The following PCDH9 variants were observed in gnomAD, a reference collection of about 807,000 sequenced individuals.
The protein encoded by PCDH9 is protocadherin 9.
A neutral mutation model predicts 70.6 loss-of-function variants in PCDH9; 24 were observed. The ratio of observed to expected loss-of-function variants is 0.34; its 90% CI spans 0.25 to 0.48. PCDH9 has a LOEUF of 0.48. PCDH9 is among the 20% of genes least tolerant of loss of function. PCDH9 has a pLI of 0.99. For synonymous variants in PCDH9, 562 were observed against 558.5 expected (o/e 1.01, Z -0.09); for missense variants, 1,281 against 1,503.6 (o/e 0.85, Z 2.45).
chr13:67,167,402 A>G (rs1230016116), intron 2 of PCDH9, among the ~76,000 whole-genome samples: 1 of 152,178 alleles, frequency 6.6e-6, no homozygotes, highest in Non-Finnish European at 1.5e-5. Flanking sequence ...ATCCATAAGG[A>G]TACTATCTGA....
At chr13:66,305,392 A>G (rs1955448131) in intron 4 of PCDH9, among the ~76,000 whole-genome samples, 2 of 152,026 alleles carry the variant, frequency 1.3e-5, no homozygotes, top group South Asian at 2.1e-4. Context: ...AATCCCAGAA[A>G]AAAACTCATA....
At chr13:67,141,721 G>A (rs1426493357) in intron 2 of PCDH9, among the ~76,000 whole-genome samples, 1 of 150,896 alleles carries the variant, frequency 6.6e-6, no homozygotes, top group Non-Finnish European at 1.5e-5. Context: ...TTACAAGTGT[G>A]AGTTCCTGCG....
At position 66,573,760 on chromosome 13, in the gene PCDH9, T is replaced by TGTTG. The variant is rs1261381617; in HGVS notation, c.3340+57449_3340+57450insCAAC. Among the ~76,000 whole-genome samples the TGTTG allele has an allele frequency of 2.6e-5, 4 of 152,214 alleles. No homozygotes were observed. The East Asian group carries it at 5.8e-4, about 22-fold the overall frequency. ...TTTTTTGTTTGTTTGTTTGTTTGTT[T>TGTTG]GTTTGTTTTTTTGGTGCCAAATCAA... On this transcript the variant is annotated intron_variant, in intron 4 of 4. Coordinates refer to ENST00000377865, the MANE Select transcript of PCDH9 (RefSeq NM_203487.3).
intron 2 of PCDH9, among the ~76,000 whole-genome samples, chr13:67,096,871 A>T: frequency 6.6e-6 from 1 of 152,092 alleles, no homozygotes; most frequent in Non-Finnish European, 1.5e-5. Context: ...TATTAAAAAA[A>T]CCCTATGTAA....
intron 4 of PCDH9, among the ~76,000 whole-genome samples, chr13:66,551,391 G>T (rs1034025883): frequency 2.0e-5 from 3 of 152,122 alleles, no homozygotes; most frequent in Admixed American, 6.5e-5. Context: ...TCCTTCTGCT[G>T]TTCCTCAGCT....
At chr13:66,518,662 G>A (rs1289939396) in intron 4 of PCDH9, among the ~76,000 whole-genome samples, 2 of 152,068 alleles carry the variant, frequency 1.3e-5, no homozygotes, top group African/African-American at 4.8e-5. Flanking sequence ...GAAAACGCCC[G>A]AGGTTTAGAA....
intron 2 of PCDH9, among the ~76,000 whole-genome samples, chr13:67,157,010 A>T (rs2087830911): frequency 6.6e-6 from 1 of 152,134 alleles, no homozygotes; most frequent in Non-Finnish European, 1.5e-5. Flanking sequence ...GTTCAACATC[A>T]TCTGTTAAAT....
intron 3 of PCDH9, among the ~76,000 whole-genome samples, chr13:66,726,067 G>A (rs1178669073): frequency 1.3e-5 from 2 of 152,074 alleles, no homozygotes; most frequent in Non-Finnish European, 2.9e-5. Context: ...TAGGATACTT[G>A]CCAATCTATT....
intron 4 of PCDH9, among the ~76,000 whole-genome samples, chr13:66,347,639 G>A (rs1956232418): frequency 6.6e-6 from 1 of 152,090 alleles, no homozygotes; most frequent in Admixed American, 6.6e-5. Flanking sequence ...CCTAGTCCCT[G>A]GTTCATTAAC....
At chr13:67,073,035 T>C (rs578014484) in intron 2 of PCDH9, among the ~76,000 whole-genome samples, 8 of 152,320 alleles carry the variant, frequency 5.3e-5, no homozygotes, top group Admixed American at 1.3e-4. Context: ...TACAACCACA[T>C]TTAAACATGT....
intron 3 of PCDH9, among the ~76,000 whole-genome samples, chr13:66,641,522 A>T (rs1475301640): frequency 6.6e-6 from 1 of 152,192 alleles, no homozygotes; most frequent in Admixed American, 6.5e-5. Context: ...ACTATTGACA[A>T]ATTACCGCAT....
Position 66,508,396 on chromosome 13 carries a change from T to C in PCDH9, c.3340+122814A>G, listed in dbSNP as rs192509625. ...CCACTAATTGTTCACCTTAAAATGATTGATTTTATGTTATGTGGATTTCAC... is the reference window on the plus strand; with the variant it reads ...CCACTAATTGTTCACCTTAAAATGACTGATTTTATGTTATGTGGATTTCAC... On this transcript the variant is annotated intron_variant, in intron 4 of 4. Transcript: ENST00000377865. Among the ~76,000 whole-genome samples the C allele has an allele frequency of 1.4e-3, 206 of 152,332 alleles. 1 individual carries two copies. Among genetic ancestry groups the C allele is most frequent in the African/African-American group, 4.6e-3 (192 of 41,580 alleles).
At chr13:66,622,819 T>C (rs1188972581) in intron 4 of PCDH9, among the ~76,000 whole-genome samples, 4 of 152,050 alleles carry the variant, frequency 2.6e-5, no homozygotes, top group African/African-American at 7.2e-5. Flanking sequence ...TGTGGAAGCG[T>C]TGTGCTTTCT....
At chr13:67,091,195 T>A (rs1396280202) in intron 2 of PCDH9, among the ~76,000 whole-genome samples, 2 of 152,218 alleles carry the variant, frequency 1.3e-5, no homozygotes, top group Admixed American at 1.3e-4. Context: ...GAGTTCTACA[T>A]CCCTTTGGTG....
At chr13:66,506,162 G>A (rs1317342976) in intron 4 of PCDH9, among the ~76,000 whole-genome samples, 1 of 152,134 alleles carries the variant, frequency 6.6e-6, no homozygotes, top group African/African-American at 2.4e-5. Flanking sequence ...TTGTCAAGTA[G>A]ATGCTCACCA....
At position 66,387,703 on chromosome 13, in the gene PCDH9, C is replaced by T. The variant is rs889626566; in HGVS notation, c.3341-82675G>A. ...AGAAGCTGGCGTCATGCTTCTTGTA[C>T]AGCCTGCAGAACATTTTCTTTATAA... On this transcript the variant is annotated intron_variant, in intron 4 of 4. Coordinates refer to ENST00000377865, the MANE Select transcript of PCDH9 (RefSeq NM_203487.3). Among the ~76,000 whole-genome samples, 5 of 152,186 alleles carry T rather than the reference C, an allele frequency of 3.3e-5. No individual in the cohort carries two copies. In the East Asian group the frequency reaches 9.7e-4, roughly 29 times the overall value.
chr13:66,922,559 T>A (rs1381736606), intron 2 of PCDH9, among the ~76,000 whole-genome samples: 1 of 151,464 alleles, frequency 6.6e-6, no homozygotes, highest in East Asian at 1.9e-4. Flanking sequence ...AGAAGTAACT[T>A]CCTTATGTTC....
intron 3 of PCDH9, among the ~76,000 whole-genome samples, chr13:66,749,338 A>G (rs146322742): frequency 3.3e-5 from 5 of 152,162 alleles, no homozygotes; most frequent in Non-Finnish European, 7.4e-5. Context: ...ATCAAAATCC[A>G]TCTGCACCCT....
At chr13:67,209,315 A>G (rs766260956) in intron 2 of PCDH9, 1 of 152,116 alleles carries the variant, frequency 6.6e-6, no homozygotes, top group Non-Finnish European at 1.5e-5. Context: ...CCCTCTTCAA[A>G]TTGGAAGTGT....
Sources: gnomAD v4.1 joint callset for allele counts (sites outside exome capture counted in the v4.1 genomes callset) on GRCh38, gnomAD v4.1.1 for gene constraint, MANE v1.5 for transcripts, NCBI Gene and HGNC (gene_info 2026-07-23, HGNC 2026-07-21) for gene names.